Variants in CCN4 observed in about 807,000 individuals in gnomAD.
CCN4 encodes cellular communication network factor 4.
CCN4 carries 30 observed loss-of-function variants against 36.7 expected under a neutral mutation model. That is an observed-to-expected ratio of 0.82 (90% CI 0.61 to 1.11). The LOEUF (loss-of-function observed/expected upper bound fraction) is 1.11, where lower values mean the gene tolerates loss of function less well. Ranked by LOEUF, CCN4 falls within the 50% of genes least tolerant of loss-of-function variation. CCN4 has a pLI of 0.00. For missense variants in CCN4, 505 were observed against 504.9 expected (o/e 1.00, Z 0.00); for synonymous variants, 191 against 195.4 (o/e 0.98, Z 0.19).
chr8:133,225,640 G>C, intron 4 of CCN4, 57 bp downstream of exon 4: 1 of 1,447,184 alleles, frequency 6.9e-7, no homozygotes, highest in Non-Finnish European at 9.2e-7. Flanking sequence ...ATATGGGTTT[G>C]AGCCTGGCTC....
chr8:133,202,735 G>A (rs1479942398), intron 1 of CCN4, among the ~76,000 whole-genome samples: 2 of 152,208 alleles, frequency 1.3e-5, no homozygotes, highest in Non-Finnish European at 2.9e-5. Context: ...TTGGAGCTAA[G>A]AGCTTTCAAA....
At position 133,197,709 on chromosome 8, in the gene CCN4, A is replaced by G. The variant is rs538508897; in HGVS notation, c.69+6496A>G. ...CCGTCTCCAATCTGGAGGCAAGTTC[A>G]GGCTTGGGGCTTTGAGTGTGGATCT... On this transcript the variant is annotated intron_variant, in intron 1 of 4. Coordinates refer to ENST00000250160, the MANE Select transcript of CCN4 (RefSeq NM_003882.4). 3.9e-5 allele frequency among the ~76,000 whole-genome samples: 6 copies of G among 152,304 alleles called. No homozygotes were observed. In the South Asian group the frequency reaches 1.2e-3, roughly 32 times the overall value.
At position 133,205,074 on chromosome 8, in the gene CCN4, G is replaced by T. The variant is rs996695751; in HGVS notation, c.70-7790G>T. Among the ~76,000 whole-genome samples the T allele has an allele frequency of 6.6e-5, 10 of 152,230 alleles. No individual in the cohort carries two copies. The South Asian group carries it at 1.9e-3, about 28-fold the overall frequency. ...CTGGGTAGCTAGGAGGGGTTGCTGA[G>T]GAGGGAGGGGTATGGCAGGAGGAGT... On this transcript the variant is annotated intron_variant, in intron 1 of 4. Transcript: ENST00000250160.
At chr8:133,215,705 G>A (rs1854296523) in intron 2 of CCN4, among the ~76,000 whole-genome samples, 1 of 151,942 alleles carries the variant, frequency 6.6e-6, no homozygotes, top group Non-Finnish European at 1.5e-5. Context: ...ATGGGCTTCT[G>A]TGTACTTCCT....
chr8:133,213,647 A>C (rs1418284812), intron 2 of CCN4, among the ~76,000 whole-genome samples: 1 of 149,958 alleles, frequency 6.7e-6, no homozygotes, highest in Non-Finnish European at 1.5e-5. Flanking sequence ...CAGTCACTTA[A>C]ATTTTCTAGT....
At chr8:133,204,800 C>T (rs1853709350) in intron 1 of CCN4, among the ~76,000 whole-genome samples, 1 of 152,246 alleles carries the variant, frequency 6.6e-6, no homozygotes, top group Non-Finnish European at 1.5e-5. Context: ...GAGTGATCCA[C>T]CTGCCTCAGC....
chr8:133,214,549 G>C (rs1351505168), intron 2 of CCN4, among the ~76,000 whole-genome samples: 1 of 151,586 alleles, frequency 6.6e-6, no homozygotes, highest in Non-Finnish European at 1.5e-5. Flanking sequence ...GTTTTCTTTG[G>C]TCTTCAAGTG....
At chr8:133,196,620 T>A (rs1479526676) in intron 1 of CCN4, among the ~76,000 whole-genome samples, 15 of 152,144 alleles carry the variant, frequency 9.9e-5, no homozygotes. Flanking sequence ...AATCCCAGTG[T>A]CTCCACTTAC....
intron 1 of CCN4, among the ~76,000 whole-genome samples, chr8:133,202,128 G>T (rs1364155078): frequency 6.6e-6 from 1 of 152,176 alleles, no homozygotes. Flanking sequence ...AGCAGGTCTT[G>T]TGCAGTTAAA....
In CCN4 at chr8:133,227,498, C is replaced by A. The variant is rs771198012; in HGVS notation, c.892C>A (p.Pro298Thr). Residue 298 changes from proline to threonine, a missense_variant, in exon 5 of 5, where the codon CCC (proline) becomes ACC (threonine). By Grantham distance (38) the Pro-to-Thr change is conservative. Coordinates refer to ENST00000250160, the MANE Select transcript of CCN4 (RefSeq NM_003882.4). ...AGCISTRSYQPKYCGVCMDNR... is the reference protein window; with the variant it reads ...AGCISTRSYQTKYCGVCMDNR... The stretch of plus-strand genomic sequence containing the variant: ...CTGCATCAGCACACGCTCCTATCAA[C>A]CCAAGTACTGTGGAGTTTGCATGGA... 6.2e-7 allele frequency: 1 copy of A among 1,614,194 alleles called. No homozygotes were observed. Among genetic ancestry groups the A allele is most frequent in the Admixed American group, 1.7e-5 (1 of 60,028 alleles).
intron 3 of CCN4, among the ~76,000 whole-genome samples, chr8:133,223,084 G>C (rs1343772401): frequency 1.3e-5 from 2 of 152,062 alleles, no homozygotes; most frequent in Non-Finnish European, 2.9e-5. Context: ...AGACAAAATT[G>C]CTCGGTGGAG....
chr8:133,226,130 A>AAAT (rs1297081498), intron 4 of CCN4, among the ~76,000 whole-genome samples: 1 of 152,204 alleles, frequency 6.6e-6, no homozygotes, highest in Admixed American at 6.5e-5. Context: ...GCATCAAAGA[A>AAAT]AATTGGGCCA....
intron 1 of CCN4, among the ~76,000 whole-genome samples, chr8:133,198,906 C>A (rs116219869): frequency 6.6e-6 from 1 of 152,226 alleles, no homozygotes; most frequent in Non-Finnish European, 1.5e-5. Flanking sequence ...ATACATCTTC[C>A]CTGCTCTGTT....
intron 1 of CCN4, among the ~76,000 whole-genome samples, chr8:133,204,417 A>G (rs907471208): frequency 6.6e-6 from 1 of 152,210 alleles, no homozygotes; most frequent in African/African-American, 2.4e-5. Context: ...AAGATGGTCT[A>G]AAATCTCCAC....
intron 2 of CCN4, 98 bp from the exon 3 acceptor site, chr8:133,220,483 G>A (rs1170670980): frequency 2.6e-6 from 4 of 1,514,904 alleles, no homozygotes; most frequent in East Asian, 4.7e-5. Context: ...AGCCATCCCC[G>A]GGATTGGGGC....
chr8:133,221,265 G>T (rs370193956), intron 3 of CCN4, among the ~76,000 whole-genome samples: 56 of 152,324 alleles, frequency 3.7e-4, no homozygotes, highest in African/African-American at 1.3e-3. Context: ...GGGCAGGTGA[G>T]ATTTCAGCCA....
intron 1 of CCN4, among the ~76,000 whole-genome samples, chr8:133,193,747 A>G (rs1853198955): frequency 6.6e-6 from 1 of 152,226 alleles, no homozygotes; most frequent in African/African-American, 2.4e-5. Context: ...GTCAAAGGTC[A>G]CACAGCTGGT....
At chr8:133,197,007 G>C (rs1432221508) in intron 1 of CCN4, among the ~76,000 whole-genome samples, 1 of 152,108 alleles carries the variant, frequency 6.6e-6, no homozygotes, top group Non-Finnish European at 1.5e-5. Context: ...TCCATAGCCT[G>C]GCCAGCTTAC....
chr8:133,213,135 T>C lies in CCN4; in HGVS notation c.341T>C (p.Val114Ala). The change falls in exon 2 of 5, where the codon GTG (valine) becomes GCG (alanine). Residue 114 changes from valine to alanine, a missense_variant. Physicochemically the swap from Val to Ala is moderately conservative, Grantham distance 64. Transcript: ENST00000250160. ...SGDRPRYAIG[V>A]CAQVVGVGCV... ...GACCGCCCGAGGTACGCAATAGGAG[T>C]GTGTGCACGTAAGTGAGTCCTCCAT... 1 of 1,555,952 alleles carries C rather than the reference T, an allele frequency of 6.4e-7. No homozygotes were observed. Among genetic ancestry groups the C allele is most frequent in the Non-Finnish European group, 8.7e-7 (1 of 1,155,494 alleles).
Sources: gnomAD v4.1 joint callset for allele counts (sites outside exome capture counted in the v4.1 genomes callset) on GRCh38, gnomAD v4.1.1 for gene constraint, MANE v1.5 for transcripts, NCBI Gene and HGNC (gene_info 2026-07-23, HGNC 2026-07-21) for gene names.